The following SKAP1 variants were observed in gnomAD, a reference collection of about 807,000 sequenced individuals.
SKAP1 encodes the protein src kinase associated phosphoprotein 1.
Under a neutral mutation model 58.5 loss-of-function variants are expected in SKAP1, and 44 were observed. The ratio of observed to expected loss-of-function variants is 0.75; its 90% CI spans 0.59 to 0.97. The LOEUF is 0.97. Among genes scored for constraint, SKAP1 ranks in the 50% least tolerant of loss-of-function variants. The pLI, the probability that SKAP1 is intolerant of heterozygous loss-of-function variation, is 0.00. For synonymous variants in SKAP1, 127 were observed against 149.7 expected, an observed-to-expected ratio of 0.85 and a Z score of 1.11; for missense variants, 390 against 435.2, an observed-to-expected ratio of 0.90 and a Z score of 0.92.
chr17:48,205,752 C>A (rs1477567710), intron 4 of SKAP1, among the ~76,000 whole-genome samples: 1 of 152,148 alleles, frequency 6.6e-6, no homozygotes, highest in East Asian at 1.9e-4. Flanking sequence ...GCCAATGAAG[C>A]AAAGCTTTCC....
At chr17:48,145,418 G>GCATCAACAA (rs2063819101) in intron 11 of SKAP1, among the ~76,000 whole-genome samples, 5 of 27,340 alleles carry the variant, frequency 1.8e-4, no homozygotes, top group African/African-American at 1.4e-3. Context: ...CCATCAACAA[G>GCATCAACAA]GAAAAAAAAA....
intron 4 of SKAP1, among the ~76,000 whole-genome samples, chr17:48,271,362 CTTTT>C (rs35447830): frequency 4.4e-3 from 464 of 106,268 alleles, no homozygotes; most frequent in African/African-American, 0.015. Flanking sequence ...TTCTTTGTTT[CTTTT>C]TTTTTTTTTT....
At chr17:48,305,026 T>G (rs1265343563) in intron 4 of SKAP1, among the ~76,000 whole-genome samples, 1 of 152,206 alleles carries the variant, frequency 6.6e-6, no homozygotes, top group Non-Finnish European at 1.5e-5. Context: ...AACTATGACT[T>G]GGGCAAAATC....
At chr17:48,269,395 G>A (rs2065598136) in intron 4 of SKAP1, among the ~76,000 whole-genome samples, 1 of 152,140 alleles carries the variant, frequency 6.6e-6, no homozygotes, top group Admixed American at 6.5e-5. Context: ...AGATACACTA[G>A]AGACTGTTAT....
intron 11 of SKAP1, among the ~76,000 whole-genome samples, chr17:48,140,695 A>G (rs905445033): frequency 2.6e-5 from 4 of 151,752 alleles, no homozygotes; most frequent in African/African-American, 9.7e-5. Flanking sequence ...GTTGTACTAC[A>G]ATGCACTGTT....
At chr17:48,263,802 C>T (rs767098540) in intron 4 of SKAP1, among the ~76,000 whole-genome samples, 18 of 152,136 alleles carry the variant, frequency 1.2e-4, no homozygotes, top group Non-Finnish European at 2.2e-4. Flanking sequence ...TGGTTTTGAC[C>T]GCCAGATGAC....
intron 1 of SKAP1, among the ~76,000 whole-genome samples, chr17:48,413,822 A>G (rs958063459): frequency 1.3e-5 from 2 of 152,030 alleles, no homozygotes; most frequent in East Asian, 3.9e-4. Flanking sequence ...CCAGTGTGAA[A>G]AGCACCACTA....
At chr17:48,429,317 C>T (rs8073466) in intron 1 of SKAP1, among the ~76,000 whole-genome samples, 29,701 of 152,166 alleles carry the variant, frequency 0.2, 2,989 homozygotes, top group Non-Finnish European at 0.21. Context: ...AGCAACGTCT[C>T]TTTGTGACAT....
At chr17:48,150,544 T>G (rs893853296) in intron 11 of SKAP1, among the ~76,000 whole-genome samples, 9 of 152,156 alleles carry the variant, frequency 5.9e-5, no homozygotes, top group African/African-American at 1.9e-4. Flanking sequence ...AAATAACAAT[T>G]TGAATGTTTC....
chr17:48,417,806 G>C (rs1405331096), intron 1 of SKAP1, among the ~76,000 whole-genome samples: 1 of 150,304 alleles, frequency 6.7e-6, no homozygotes, highest in Non-Finnish European at 1.5e-5. Context: ...CACAGATAAA[G>C]ATGTTTTCTA....
In SKAP1 at chr17:48,397,237, TA is replaced by T. The variant is rs565491635; in HGVS notation, c.47-453del. On this transcript the variant is annotated intron_variant, in intron 1 of 12. Coordinates refer to ENST00000336915, the MANE Select transcript of SKAP1 (RefSeq NM_003726.4). ...GGACTGTAAATTTCTTTCTTTCTTT[TA>T]GGGGGGGGATGGAGTCTCACTCTGT... The T allele has an allele frequency of 1.8e-3, 283 of 153,530 alleles. 1 individual carries two copies. Among genetic ancestry groups the T allele is most frequent in the Middle Eastern group, 0.014 (4 of 296 alleles). 9.5% of individuals were successfully genotyped at this position (153,530 alleles called of 1,614,324 possible).
intron 2 of SKAP1, among the ~76,000 whole-genome samples, chr17:48,367,536 G>GTATATATATATATGGATATATATACATA (rs2067021158): frequency 7.4e-6 from 1 of 135,596 alleles, no homozygotes; most frequent in Non-Finnish European, 1.6e-5. Context: ...GTATGTGTGT[G>GTATATATATATATGGATATATATACATA]TATATATATA....
intron 11 of SKAP1, among the ~76,000 whole-genome samples, chr17:48,138,617 G>A (rs1357933080): frequency 3.3e-5 from 5 of 152,196 alleles, no homozygotes; most frequent in South Asian, 2.1e-4. Context: ...TGATCCACCC[G>A]CCTCAGCCTC....
At chr17:48,370,151 AAAC>A (rs948389919) in intron 2 of SKAP1, among the ~76,000 whole-genome samples, 1 of 152,194 alleles carries the variant, frequency 6.6e-6, no homozygotes, top group African/African-American at 2.4e-5. Flanking sequence ...GACAAGTAAA[AAAC>A]AACGCCATTA....
intron 4 of SKAP1, among the ~76,000 whole-genome samples, chr17:48,278,115 C>T (rs1198211254): frequency 6.6e-6 from 1 of 152,164 alleles, no homozygotes; most frequent in African/African-American, 2.4e-5. Context: ...ATAATATAGT[C>T]ACTGTCATTA....
At chr17:48,315,900 T>G (rs2066280230) in intron 4 of SKAP1, among the ~76,000 whole-genome samples, 1 of 152,216 alleles carries the variant, frequency 6.6e-6, no homozygotes, top group Non-Finnish European at 1.5e-5. Flanking sequence ...CCCAAGATAT[T>G]TCTTTAGGTA....
chr17:48,162,629 G>GT, intron 10 of SKAP1, 60 bp from the exon 11 acceptor site: 1 of 1,284,282 alleles, frequency 7.8e-7, no homozygotes, highest in Non-Finnish European at 1.1e-6. Context: ...AGGTACCCAT[G>GT]TTTTTGCTGC....
intron 4 of SKAP1, among the ~76,000 whole-genome samples, chr17:48,300,731 C>T (rs1007819156): frequency 6.6e-6 from 1 of 152,128 alleles, no homozygotes; most frequent in East Asian, 1.9e-4. Context: ...TACTGCTTAA[C>T]AATAATGTGT....
chr17:48,366,284 A>T (rs948902907), intron 2 of SKAP1, among the ~76,000 whole-genome samples: 1 of 152,236 alleles, frequency 6.6e-6, no homozygotes, highest in Non-Finnish European at 1.5e-5. Context: ...ATTATCAGAC[A>T]TAAGAAAGTG....
Sources: allele counts gnomAD v4.1 joint callset (sites outside exome capture counted in the v4.1 genomes callset), GRCh38; gene constraint gnomAD v4.1.1; transcripts MANE v1.5; gene names NCBI Gene and HGNC (gene_info 2026-07-23, HGNC 2026-07-21).